Variants in PEBP4 observed in about 807,000 individuals in gnomAD.
PEBP4 encodes phosphatidylethanolamine binding protein 4, also known as phosphatidylethanolamine-binding protein 4.
A neutral mutation model predicts 23.9 loss-of-function variants in PEBP4; 22 were observed. The ratio of observed to expected loss-of-function variants is 0.92; its 90% CI spans 0.66 to 1.31. The LOEUF (loss-of-function observed/expected upper bound fraction) is 1.31. PEBP4 is among the 40% of genes most tolerant of loss of function. The pLI, the probability that PEBP4 is intolerant of heterozygous loss-of-function variation, is 0.00. For missense variants in PEBP4, 324 were observed against 281.7 expected (o/e 1.15, Z -1.07); for synonymous variants, 112 against 99.3 (o/e 1.13, Z -0.76).
chr8:22,810,672 GTGTGT>G (rs1806601436), intron 4 of PEBP4, among the ~76,000 whole-genome samples: 1 of 31,766 alleles, frequency 3.1e-5, no homozygotes, highest in African/African-American at 1.0e-4. Context: ...ATGGAGGGGT[GTGTGT>G]GTGTGTGTGT....
At chr8:22,788,828 G>A (rs2128756500) in intron 4 of PEBP4, among the ~76,000 whole-genome samples, 1 of 152,288 alleles carries the variant, frequency 6.6e-6, no homozygotes, top group East Asian at 1.9e-4. Context: ...TGAATGAAGA[G>A]TTGTGTATTC....
chr8:22,737,036 G>A (rs561741658), intron 4 of PEBP4, among the ~76,000 whole-genome samples: 69 of 152,332 alleles, frequency 4.5e-4, no homozygotes, highest in Admixed American at 1.9e-3. Flanking sequence ...GCTCACGCCT[G>A]TAATTGCAGC....
In PEBP4 at chr8:22,713,612, G is replaced by C. The variant is rs929702511; in HGVS notation, c.518-76C>G. 3 of 1,600,068 alleles carry C rather than the reference G, an allele frequency of 1.9e-6. No homozygotes were observed. In the African/African-American group the frequency reaches 4.0e-5, roughly 21 times the overall value. On this transcript the variant is annotated intron_variant, in intron 6 of 6. Coordinates refer to ENST00000256404, the MANE Select transcript of PEBP4 (RefSeq NM_144962.3). Reference sequence around the variant, plus strand: ...TGAAAGCTGGCAGGGGCCTGAGAGGGAGGCCGGCTCGTGGGAGCCGAGGCA... The same window carrying C: ...TGAAAGCTGGCAGGGGCCTGAGAGGCAGGCCGGCTCGTGGGAGCCGAGGCA...
At chr8:22,855,900 G>C (rs1326910318) in intron 3 of PEBP4, among the ~76,000 whole-genome samples, 1 of 151,856 alleles carries the variant, frequency 6.6e-6, no homozygotes, top group Non-Finnish European at 1.5e-5. Context: ...AAAATAGCCA[G>C]GTATGGTGGT....
intron 3 of PEBP4, among the ~76,000 whole-genome samples, chr8:22,916,274 G>A (rs1809069911): frequency 6.6e-6 from 1 of 152,308 alleles, no homozygotes; most frequent in East Asian, 1.9e-4. Flanking sequence ...CTTCTCAGGG[G>A]CCTTTCAGTT....
intron 3 of PEBP4, among the ~76,000 whole-genome samples, chr8:22,901,386 G>A (rs765026915): frequency 1.1e-4 from 17 of 152,156 alleles, no homozygotes; most frequent in Non-Finnish European, 1.8e-4. Flanking sequence ...CCTAGGCCTC[G>A]GGGATTCAGT....
intron 3 of PEBP4, among the ~76,000 whole-genome samples, chr8:22,842,007 C>T (rs566501403): frequency 2.6e-5 from 4 of 152,304 alleles, no homozygotes; most frequent in Admixed American, 6.5e-5. Context: ...AAGAAGGAGA[C>T]GAGGTATGTT....
At chr8:22,902,264 G>A (rs1808727540) in intron 3 of PEBP4, among the ~76,000 whole-genome samples, 1 of 152,188 alleles carries the variant, frequency 6.6e-6, no homozygotes, top group Non-Finnish European at 1.5e-5. Context: ...AGGAGGCGGA[G>A]GTTGCGGTGA....
chr8:22,829,777 T>G (rs1421732577), intron 3 of PEBP4, among the ~76,000 whole-genome samples: 2 of 152,188 alleles, frequency 1.3e-5, no homozygotes, highest in African/African-American at 2.4e-5. Flanking sequence ...TATCCTCCCC[T>G]GCTTTTCCCC....
chr8:22,831,614 G>A (rs997977864), intron 3 of PEBP4, among the ~76,000 whole-genome samples: 2 of 152,210 alleles, frequency 1.3e-5, no homozygotes, highest in Middle Eastern at 3.4e-3. Context: ...TTGGATGTGT[G>A]TGCAGAGGGT....
intron 4 of PEBP4, among the ~76,000 whole-genome samples, chr8:22,752,826 T>C (rs1233419691): frequency 1.3e-5 from 2 of 152,244 alleles, no homozygotes; most frequent in African/African-American, 4.8e-5. Flanking sequence ...GGTCGTCATC[T>C]TTCTGCCTAA....
At chr8:22,765,744 G>A (rs1329135803) in intron 4 of PEBP4, among the ~76,000 whole-genome samples, 1 of 152,218 alleles carries the variant, frequency 6.6e-6, no homozygotes, top group Non-Finnish European at 1.5e-5. Context: ...CCACGCTGCG[G>A]GTGGGCTCTC....
At chr8:22,940,490 C>CTCTTTTT (rs1554499133) in intron 1 of PEBP4, among the ~76,000 whole-genome samples, 1 of 110,054 alleles carries the variant, frequency 9.1e-6, no homozygotes, top group Non-Finnish European at 1.8e-5. Context: ...ATGAATTTCT[C>CTCTTTTT]TTTTTTTTTT....
chr8:22,846,315 C>T (rs1031553037), intron 3 of PEBP4, among the ~76,000 whole-genome samples: 14 of 152,168 alleles, frequency 9.2e-5, no homozygotes, highest in Admixed American at 8.5e-4. Flanking sequence ...CCTTCCTCTC[C>T]CTGTGCCACC....
At chr8:22,916,404 C>T (rs911862333) in intron 3 of PEBP4, among the ~76,000 whole-genome samples, 5 of 152,198 alleles carry the variant, frequency 3.3e-5, no homozygotes, top group East Asian at 1.9e-4. Context: ...ATAGCTGGCA[C>T]GGGAGCCAGC....
intron 2 of PEBP4, among the ~76,000 whole-genome samples, chr8:22,923,456 A>G (rs1809254422): frequency 1.3e-5 from 2 of 152,024 alleles, no homozygotes; most frequent in South Asian, 4.2e-4. Context: ...TAGTCCAGCT[A>G]TATGGGAGGC....
chr8:22,847,620 G>A (rs1337565752), intron 3 of PEBP4, among the ~76,000 whole-genome samples: 1 of 152,192 alleles, frequency 6.6e-6, no homozygotes. Context: ...TGGGTTTCAT[G>A]AGGCAAGAGA....
At chr8:22,872,989 C>T (rs1014591086) in intron 3 of PEBP4, among the ~76,000 whole-genome samples, 31 of 152,214 alleles carry the variant, frequency 2.0e-4, no homozygotes, top group African/African-American at 7.0e-4. Context: ...AATTTTGATT[C>T]CTGACTTCCA....
At chr8:22,805,493 A>AT (rs1451104519) in intron 4 of PEBP4, among the ~76,000 whole-genome samples, 1 of 152,090 alleles carries the variant, frequency 6.6e-6, no homozygotes, top group African/African-American at 2.4e-5. Flanking sequence ...TGCCCATGTA[A>AT]TTTTGTATTT....
Sources: gnomAD v4.1 joint callset for allele counts (sites outside exome capture counted in the v4.1 genomes callset) on GRCh38, gnomAD v4.1.1 for gene constraint, MANE v1.5 for transcripts, NCBI Gene and HGNC (gene_info 2026-07-23, HGNC 2026-07-21) for gene names.